Variants in TRAPPC8 observed in about 807,000 individuals in gnomAD.
TRAPPC8 encodes the protein general sporulation gene 1 homolog.
Under a neutral mutation model 174.3 loss-of-function variants are expected in TRAPPC8, and 54 were observed. The observed-to-expected ratio is 0.31, with a 90% CI of 0.25 to 0.39. The LOEUF (loss-of-function observed/expected upper bound fraction) is 0.39. Ranked by LOEUF, TRAPPC8 falls within the 10% of genes least tolerant of loss-of-function variation. The probability of loss-of-function intolerance (pLI) is 1.00; values close to 1 mark genes in which losing one functional copy is unlikely to be tolerated. For synonymous variants in TRAPPC8, 630 were observed against 579.9 expected, an observed-to-expected ratio of 1.09 and a Z score of -1.24; for missense variants, 1,531 against 1,699.1, an observed-to-expected ratio of 0.90 and a Z score of 1.74.
Position 31,897,819 on chromosome 18 carries a change from C to G in TRAPPC8, c.1563G>C (p.Glu521Asp), listed in dbSNP as rs2036244883. The G allele has an allele frequency of 6.2e-7, 1 of 1,611,282 alleles. No homozygotes were observed. Among genetic ancestry groups the G allele is most frequent in the Non-Finnish European group, 8.5e-7 (1 of 1,178,392 alleles). Residue 521 changes from glutamate to aspartate, a missense_variant, in exon 11 of 29, where the codon GAG becomes GAC. Physicochemically the swap from Glu to Asp is conservative, Grantham distance 45. Coordinates refer to ENST00000283351, the MANE Select transcript of TRAPPC8 (RefSeq NM_014939.5). ...ELLKSQSKYS[E>D]AAALLIRLTS... ...TCAACCGTATTAGGAGAGCTGCAGCCTCTGAATATTTGCTTTGGCTTTTTA... is the reference window on the plus strand; with the variant it reads ...TCAACCGTATTAGGAGAGCTGCAGCGTCTGAATATTTGCTTTGGCTTTTTA...
chr18:31,832,085 T>G lies in TRAPPC8; in HGVS notation c.4072A>C (p.Ser1358Arg). 6.5e-7 allele frequency: 1 copy of G among 1,533,878 alleles called. No homozygotes were observed. Among genetic ancestry groups the G allele is most frequent in the Non-Finnish European group, 8.7e-7 (1 of 1,149,456 alleles). The part of the protein sequence containing the change: ...VIVDLRHKTT[S>R]PEALEIHGSF... Reference sequence around the variant, plus strand: ...ACCTTGCACTAAACAAATCTTTACCTTGTTGTTTTATGCCGAAGATCAACT... The same window carrying G: ...ACCTTGCACTAAACAAATCTTTACCGTGTTGTTTTATGCCGAAGATCAACT... Residue 1358 changes from serine (S) to arginine (R), a missense_variant and splice_region_variant, in exon 28 of 29, where the codon AGT (serine) becomes CGT (arginine). Ser to Arg is a moderately radical substitution (Grantham distance 110). Transcript: ENST00000283351.
chr18:31,921,204 C>G (rs912804434), intron 2 of TRAPPC8, among the ~76,000 whole-genome samples: 1 of 151,982 alleles, frequency 6.6e-6, no homozygotes, highest in East Asian at 1.9e-4. Flanking sequence ...CCTATATTTG[C>G]TTATAGTTTC....
At chr18:31,923,135 G>C (rs1457424996) in intron 2 of TRAPPC8, among the ~76,000 whole-genome samples, 3 of 152,122 alleles carry the variant, frequency 2.0e-5, no homozygotes, top group African/African-American at 4.8e-5. Flanking sequence ...CAAAGACTAT[G>C]CTTGGATTTA....
At chr18:31,933,135 A>G (rs1172407876) in intron 1 of TRAPPC8, among the ~76,000 whole-genome samples, 1 of 151,792 alleles carries the variant, frequency 6.6e-6, no homozygotes, top group Non-Finnish European at 1.5e-5. Flanking sequence ...CCCTGTCTCT[A>G]CTAAAAACAT....
At chr18:31,866,433 AT>A (rs1192119994) in intron 18 of TRAPPC8, among the ~76,000 whole-genome samples, 1 of 152,172 alleles carries the variant, frequency 6.6e-6, no homozygotes, top group African/African-American at 2.4e-5. Flanking sequence ...AACTTAAGGT[AT>A]TTAATATCCA....
intron 20 of TRAPPC8, 24 bp downstream of exon 20, chr18:31,857,516 T>C: frequency 6.5e-7 from 1 of 1,529,538 alleles, no homozygotes; most frequent in Non-Finnish European, 8.8e-7. Flanking sequence ...AGATGTTAAA[T>C]TTTATAAGTT....
At chr18:31,926,787 T>C (rs192111070) in intron 2 of TRAPPC8, among the ~76,000 whole-genome samples, 1 of 152,238 alleles carries the variant, frequency 6.6e-6, no homozygotes, top group Non-Finnish European at 1.5e-5. Flanking sequence ...AGCCCAATAA[T>C]TGGCTAAGCA....
chr18:31,893,776 T>C (rs2036067562), intron 11 of TRAPPC8, among the ~76,000 whole-genome samples: 1 of 152,160 alleles, frequency 6.6e-6, no homozygotes, highest in Admixed American at 6.5e-5. Flanking sequence ...GTTTTTTAAG[T>C]GCTGTAATTT....
At chr18:31,904,130 G>A (rs922459081) in intron 9 of TRAPPC8, among the ~76,000 whole-genome samples, 1 of 152,050 alleles carries the variant, frequency 6.6e-6, no homozygotes, top group African/African-American at 2.4e-5. Context: ...CAGCTACTGT[G>A]GGGGGCTGAG....
chr18:31,880,670 G>A (rs1449089007), intron 12 of TRAPPC8, among the ~76,000 whole-genome samples: 1 of 151,900 alleles, frequency 6.6e-6, no homozygotes, highest in East Asian at 1.9e-4. Context: ...TCACGCAAGA[G>A]AAAGAAGAAA....
chr18:31,852,451 C>G lies in TRAPPC8; in HGVS notation c.3556G>C (p.Glu1186Gln). The change falls in exon 24 of 29, where the codon GAA becomes CAA. Residue 1186 changes from glutamate (E) to glutamine (Q), a missense_variant. Coordinates refer to ENST00000283351, the MANE Select transcript of TRAPPC8 (RefSeq NM_014939.5). ...TACTATGCTTACTTGCATACCTGTT[C>G]ATTTCCAAAGATGATATCTGCAAAG... ...YTFADIIFGN[E>Q]QIISSASPCA... 6.2e-7 allele frequency: 1 copy of G among 1,614,044 alleles called. No homozygotes were observed. Among genetic ancestry groups the G allele is most frequent in the African/African-American group, 1.3e-5 (1 of 75,050 alleles).
intron 9 of TRAPPC8, among the ~76,000 whole-genome samples, chr18:31,905,863 C>T (rs2036634252): frequency 6.6e-6 from 1 of 152,084 alleles, no homozygotes; most frequent in Non-Finnish European, 1.5e-5. Flanking sequence ...ATCAAACATT[C>T]TACTTGCAGG....
At position 31,874,507 on chromosome 18, in the gene TRAPPC8, G is replaced by A. The variant is rs764414513; in HGVS notation, c.1926C>T (p.Phe642=). 15 of 1,613,906 alleles carry A rather than the reference G, an allele frequency of 9.3e-6. No homozygotes were observed. In the South Asian group the frequency reaches 1.6e-4, roughly 18 times the overall value. The change falls in exon 13 of 29, where the codon TTC becomes TTT. Residue 642 remains phenylalanine (F), a synonymous_variant. Transcript: ENST00000283351. ...SKQSAAQQGA[F]LREYLYVYKN... ...TGTAAACATAAAGATATTCTCTGAG[G>A]AAAGCCCCCTGTTGAGCAGCAGATT...
intron 8 of TRAPPC8, 46 bp from the exon 9 acceptor site, chr18:31,907,656 C>T: frequency 6.9e-7 from 1 of 1,444,812 alleles, no homozygotes; most frequent in Non-Finnish European, 9.3e-7. Flanking sequence ...ACCCCCCAAA[C>T]CATTAAAATT....
At chr18:31,865,812 T>C (rs1322763363) in intron 18 of TRAPPC8, among the ~76,000 whole-genome samples, 2 of 150,910 alleles carry the variant, frequency 1.3e-5, no homozygotes, top group Admixed American at 6.6e-5. Flanking sequence ...ATAAATAATT[T>C]AAATTATAAA....
chr18:31,829,414 T>C lies in TRAPPC8; in HGVS notation c.*1341A>G, dbSNP rs562571769. The stretch of plus-strand genomic sequence containing the variant: ...CCTAAACTCTCAAGAAGGAAATGAG[T>C]GTCCTTAGAATGTGACCTTCCTCTC... On this transcript the variant is annotated 3_prime_UTR_variant, in exon 29 of 29. Transcript: ENST00000283351. 1 of 152,246 alleles carries C rather than the reference T, an allele frequency of 6.6e-6. No individual in the cohort carries two copies. Among genetic ancestry groups the C allele is most frequent in the African/African-American group, 2.4e-5 (1 of 41,530 alleles). 9.4% of individuals were successfully genotyped at this position (152,246 alleles called of 1,614,324 possible). A position where few individuals can be genotyped will look rare whatever the true frequency, so the allele number is the denominator to read the frequency against.
intron 9 of TRAPPC8, among the ~76,000 whole-genome samples, chr18:31,904,098 T>A (rs766195529): frequency 2.0e-5 from 3 of 151,828 alleles, no homozygotes; most frequent in Admixed American, 2.0e-4. Context: ...TAGCCACACG[T>A]GGTGGCGCAT....
chr18:31,939,898 A>C lies in TRAPPC8; in HGVS notation c.157+2710T>G, dbSNP rs188749591. On this transcript the variant is annotated intron_variant, in intron 1 of 28. Transcript: ENST00000283351. The stretch of plus-strand genomic sequence containing the variant: ...AAACAAAAAACAAACAAACAAAAAA[A>C]CTCCTTCCCTAATCTTCCCCAGTCT... 1.7e-3 allele frequency among the ~76,000 whole-genome samples: 257 copies of C among 151,756 alleles called. 4 individuals are homozygous for C. The South Asian group carries it at 0.019, about 11-fold the overall frequency.
chr18:31,927,440 AG>A (rs2145605360), intron 2 of TRAPPC8, among the ~76,000 whole-genome samples: 1 of 152,272 alleles, frequency 6.6e-6, no homozygotes, highest in Non-Finnish European at 1.5e-5. Context: ...AATTTTTAGT[AG>A]AGACAGGGTT....
Sources: allele counts gnomAD v4.1 joint callset (sites outside exome capture counted in the v4.1 genomes callset), GRCh38; gene constraint gnomAD v4.1.1; transcripts MANE v1.5; gene names NCBI Gene and HGNC (gene_info 2026-07-23, HGNC 2026-07-21).